TMEM117: variants seen among roughly 807,000 people sequenced by gnomAD.
The protein encoded by TMEM117 is transmembrane protein 117.
A neutral mutation model predicts 52.4 loss-of-function variants in TMEM117; 27 were observed. The ratio of observed to expected loss-of-function variants is 0.51; its 90% CI spans 0.38 to 0.71. The LOEUF (loss-of-function observed/expected upper bound fraction) is 0.71. TMEM117 is among the 30% of genes least tolerant of loss of function. The probability of loss-of-function intolerance (pLI) is 0.00; values close to 1 mark genes in which losing one functional copy is unlikely to be tolerated. For synonymous variants in TMEM117, 215 were observed against 206.3 expected, an observed-to-expected ratio of 1.04 and a Z score of -0.36; for missense variants, 556 against 630.5, an observed-to-expected ratio of 0.88 and a Z score of 1.26.
rs866018186 is a variant in TMEM117, at chr12:44,311,803, A to G, written c.768+12064A>G. Among the ~76,000 whole-genome samples the G allele has an allele frequency of 1.0e-3, 12 of 11,778 alleles. No individual in the cohort carries two copies. The East Asian group carries it at 0.029, about 28-fold the overall frequency. The allele number at this position is 11,778 out of a possible 152,430, so 7.7% of individuals were successfully genotyped here. ...TGTATATATGTATATATATGTATAT[A>G]TGTATATATGTATATATATGTATAT... On this transcript the variant is annotated intron_variant, in intron 6 of 7. Transcript: ENST00000266534.
At chr12:43,864,460 CCAAT>C (rs1943548200) in intron 2 of TMEM117, among the ~76,000 whole-genome samples, 1 of 152,212 alleles carries the variant, frequency 6.6e-6, no homozygotes, top group South Asian at 2.1e-4. Flanking sequence ...TGTAAACACA[CCAAT>C]CAGCACCCTG....
At chr12:43,805,901 G>A in the TMEM117 span, 5 of 1,480,418 alleles carry the variant, frequency 3.4e-6, no homozygotes, top group Non-Finnish European at 4.5e-6. Flanking sequence ...TGACCAAAAG[G>A]GGGAAAGTTG....
At chr12:44,073,762 T>G (rs879270101) in intron 3 of TMEM117, 1 of 152,196 alleles carries the variant, frequency 6.6e-6, no homozygotes, top group Non-Finnish European at 1.5e-5. Context: ...GCACTCTTAC[T>G]ACATTTGCAA....
intron 2 of TMEM117, among the ~76,000 whole-genome samples, chr12:43,900,457 C>A (rs1944284970): frequency 6.6e-6 from 1 of 152,132 alleles, no homozygotes; most frequent in African/African-American, 2.4e-5. Context: ...CGGTGGCTCA[C>A]ACCTGTAATC....
At chr12:44,190,023 A>G (rs1448701102) in intron 4 of TMEM117, among the ~76,000 whole-genome samples, 2 of 152,218 alleles carry the variant, frequency 1.3e-5, no homozygotes, top group Non-Finnish European at 2.9e-5. Flanking sequence ...ATGACAAACT[A>G]GAACAGCTGT....
rs1428861166 is a variant in TMEM117 at position 43,908,830 on chromosome 12, C to T, written c.278-35380C>T. Reference sequence around the variant, plus strand: ...AATATATATGCACCCAATACAGGAGCACCCAGATTCATAAAGCAAGTCCTG... The same window carrying T: ...AATATATATGCACCCAATACAGGAGTACCCAGATTCATAAAGCAAGTCCTG... On this transcript the variant is annotated intron_variant, in intron 2 of 7. Transcript: ENST00000266534. Among the ~76,000 whole-genome samples, 9 of 146,800 alleles carry T rather than the reference C, an allele frequency of 6.1e-5. No individual in the cohort carries two copies. In the South Asian group the frequency reaches 6.6e-4, roughly 11 times the overall value.
chr12:44,363,088 G>A (rs1197651117), intron 6 of TMEM117, among the ~76,000 whole-genome samples: 1 of 152,132 alleles, frequency 6.6e-6, no homozygotes, highest in Non-Finnish European at 1.5e-5. Flanking sequence ...TTTAGAGCCA[G>A]GACAAGCTGA....
chr12:44,364,453 ATAT>A (rs1305796542), intron 6 of TMEM117, among the ~76,000 whole-genome samples: 2 of 152,114 alleles, frequency 1.3e-5, no homozygotes, highest in African/African-American at 2.4e-5. Flanking sequence ...TATTGCAGAG[ATAT>A]TATATGAAGC....
intron 5 of TMEM117, among the ~76,000 whole-genome samples, chr12:44,218,922 A>G (rs1486378325): frequency 2.6e-5 from 4 of 152,208 alleles, no homozygotes; most frequent in Non-Finnish European, 5.9e-5. Flanking sequence ...TAAGTTGCAT[A>G]GCTAGTGAAC....
At chr12:44,125,251 T>C (rs576320002) in intron 3 of TMEM117, among the ~76,000 whole-genome samples, 1 of 152,200 alleles carries the variant, frequency 6.6e-6, no homozygotes, top group African/African-American at 2.4e-5. Flanking sequence ...ACTACAGGCG[T>C]CCGCCACCAA....
intron 3 of TMEM117, among the ~76,000 whole-genome samples, chr12:43,977,376 G>C (rs981139567): frequency 6.6e-6 from 1 of 152,100 alleles, no homozygotes; most frequent in Non-Finnish European, 1.5e-5. Context: ...CCACACCATG[G>C]TATGGGTTTG....
At chr12:44,132,188 T>A (rs1758259945) in intron 3 of TMEM117, among the ~76,000 whole-genome samples, 1 of 108,352 alleles carries the variant, frequency 9.2e-6, no homozygotes, top group Admixed American at 8.7e-5. Context: ...GCTGCTCAGG[T>A]TTTTTTTTTT....
chr12:43,855,422 A>G (rs1330832737), intron 2 of TMEM117, among the ~76,000 whole-genome samples: 1 of 152,108 alleles, frequency 6.6e-6, no homozygotes, highest in Non-Finnish European at 1.5e-5. Context: ...TGCTTACCCC[A>G]AGATAGCCAG....
At chr12:44,244,430 C>A (rs904414019) in intron 5 of TMEM117, 1 of 151,780 alleles carries the variant, frequency 6.6e-6, no homozygotes, top group Non-Finnish European at 1.5e-5. Flanking sequence ...TTTCTCCACC[C>A]ATAATCCAAT....
chr12:44,382,482 C>T (rs1952034206), intron 7 of TMEM117, among the ~76,000 whole-genome samples: 1 of 152,132 alleles, frequency 6.6e-6, no homozygotes, highest in Non-Finnish European at 1.5e-5. Flanking sequence ...TCAGAGTTTA[C>T]AAGTTGGTTA....
chr12:43,921,731 T>C (rs747382301), intron 2 of TMEM117, among the ~76,000 whole-genome samples: 1 of 152,168 alleles, frequency 6.6e-6, no homozygotes, highest in Non-Finnish European at 1.5e-5. Flanking sequence ...CTCAACTAAA[T>C]ATCAAGTTTC....
At chr12:43,917,603 A>G (rs1944627187) in intron 2 of TMEM117, among the ~76,000 whole-genome samples, 1 of 152,232 alleles carries the variant, frequency 6.6e-6, no homozygotes, top group East Asian at 1.9e-4. Context: ...TTTACCCATT[A>G]TGCATATCAT....
At chr12:43,993,631 C>G (rs577156416) in intron 3 of TMEM117, among the ~76,000 whole-genome samples, 1 of 152,254 alleles carries the variant, frequency 6.6e-6, no homozygotes, top group East Asian at 1.9e-4. Context: ...CTATCTCAGG[C>G]AGGCAGCAGA....
At chr12:44,208,267 A>G (rs535641734) in intron 4 of TMEM117, among the ~76,000 whole-genome samples, 1 of 152,272 alleles carries the variant, frequency 6.6e-6, no homozygotes, top group Non-Finnish European at 1.5e-5. Flanking sequence ...CTGACAAGCC[A>G]TGATGCGGTG....
Sources: allele counts gnomAD v4.1 joint callset (sites outside exome capture counted in the v4.1 genomes callset), GRCh38; gene constraint gnomAD v4.1.1; transcripts MANE v1.5; gene names NCBI Gene and HGNC (gene_info 2026-07-23, HGNC 2026-07-21).